The following TMEM132B variants were observed in gnomAD, a reference collection of about 807,000 sequenced individuals.
TMEM132B encodes transmembrane protein 132B.
Under a neutral mutation model 90.8 loss-of-function variants are expected in TMEM132B, and 18 were observed. That is an observed-to-expected ratio of 0.20 (90% CI 0.14 to 0.29). The LOEUF (loss-of-function observed/expected upper bound fraction) is 0.29, where lower values mean the gene tolerates loss of function less well. Among genes scored for constraint, TMEM132B ranks in the 10% least tolerant of loss-of-function variants. TMEM132B has a pLI of 1.00. For missense variants in TMEM132B, 1,096 were observed against 1,326.8 expected (o/e 0.83, Z 2.70); for synonymous variants, 504 against 523.3 (o/e 0.96, Z 0.50).
rs1428603120 is a variant in TMEM132B at position 125,458,231 on chromosome 12, G to T, written c.1106+42554G>T. The stretch of plus-strand genomic sequence containing the variant: ...AACAAGGGCCTTGGACAAGGCCCTT[G>T]TCCAAGGACAAGGGATGGAGCCTGG... On this transcript the variant is annotated intron_variant, in intron 3 of 8. Coordinates refer to ENST00000682704, the MANE Select transcript of TMEM132B (RefSeq NM_001366854.1). The surrounding 1 kb of genome is among the most constrained non-coding windows in gnomAD (Gnocchi z 4.9). Among the ~76,000 whole-genome samples, 3 of 148,094 alleles carry T rather than the reference G, an allele frequency of 2.0e-5. No homozygotes were observed. The highest frequency in any genetic ancestry group is 7.3e-5 in the African/African-American group (3 of 41,064).
chr12:125,538,495 C>G lies in TMEM132B; in HGVS notation c.1293+18870C>G, dbSNP rs916502533. 2.0e-4 allele frequency among the ~76,000 whole-genome samples: 31 copies of G among 152,202 alleles called. 1 individual carries two copies. The highest frequency in any genetic ancestry group is 7.5e-4 in the African/African-American group (31 of 41,446). On this transcript the variant is annotated intron_variant, in intron 4 of 8. Transcript: ENST00000682704. Reference sequence around the variant, plus strand: ...ATCAGCTGTTAGACAGTCACTTGGCCAGGGACCACTTGCATTTTCAGCAGG... The same window carrying G: ...ATCAGCTGTTAGACAGTCACTTGGCGAGGGACCACTTGCATTTTCAGCAGG...
chr12:125,560,795 G>A (rs1484145031), intron 4 of TMEM132B, among the ~76,000 whole-genome samples: 1 of 124,290 alleles, frequency 8.0e-6, no homozygotes, highest in East Asian at 2.5e-4. Flanking sequence ...ACTGCAGTCC[G>A]CAGTCCGGCC....
At chr12:125,425,588 G>A (rs929807710) in intron 3 of TMEM132B, among the ~76,000 whole-genome samples, 6 of 152,140 alleles carry the variant, frequency 3.9e-5, no homozygotes, top group African/African-American at 1.4e-4. Flanking sequence ...ACCACCCCCT[G>A]TGCTCTACCT....
At chr12:125,210,226 G>T (rs1440188439) in intron 1 of TMEM132B, among the ~76,000 whole-genome samples, 1 of 152,206 alleles carries the variant, frequency 6.6e-6, no homozygotes, top group African/African-American at 2.4e-5. Context: ...ACCTGGGCAG[G>T]AAGGTAATGT....
At chr12:125,487,072 A>G (rs930167532) in intron 3 of TMEM132B, among the ~76,000 whole-genome samples, 1 of 152,224 alleles carries the variant, frequency 6.6e-6, no homozygotes, top group Non-Finnish European at 1.5e-5. Flanking sequence ...AGAAGGTCTC[A>G]GTCTGTTCTG....
At chr12:125,621,842 A>G (rs1176578805) in intron 5 of TMEM132B, among the ~76,000 whole-genome samples, 1 of 152,248 alleles carries the variant, frequency 6.6e-6, no homozygotes, top group East Asian at 1.9e-4. Context: ...CATGCTATAC[A>G]TATCAGGATG....
intron 1 of TMEM132B, among the ~76,000 whole-genome samples, chr12:125,247,753 C>T (rs907998417): frequency 1.3e-5 from 2 of 152,210 alleles, no homozygotes; most frequent in Admixed American, 6.5e-5. Flanking sequence ...ATGTCACCGG[C>T]CCTGGGATAG....
intron 5 of TMEM132B, among the ~76,000 whole-genome samples, chr12:125,590,501 T>C (rs867771458): frequency 1.3e-5 from 2 of 152,146 alleles, no homozygotes; most frequent in African/African-American, 4.8e-5. Flanking sequence ...TTACTGAAAA[T>C]CTTCAAAAAG....
At position 125,383,597 on chromosome 12, in the gene TMEM132B, A is replaced by G. The variant is rs545274620; in HGVS notation, c.960-31934A>G. ...ATTATTTCTTCCATGTGTATGCATC[A>G]TCATTACTACTGTTCAATCCCTATC... is the stretch of plus-strand genomic sequence containing the variant. On this transcript the variant is annotated intron_variant, in intron 2 of 8. Transcript: ENST00000682704. 3.9e-5 allele frequency among the ~76,000 whole-genome samples: 6 copies of G among 152,352 alleles called. No homozygotes were observed. The South Asian group carries it at 8.3e-4, about 21-fold the overall frequency.
intron 4 of TMEM132B, among the ~76,000 whole-genome samples, chr12:125,563,409 C>T (rs1884586160): frequency 6.6e-6 from 1 of 151,926 alleles, no homozygotes; most frequent in African/African-American, 2.4e-5. Context: ...GAGATCGAGA[C>T]TAACCTGGCC....
intron 3 of TMEM132B, among the ~76,000 whole-genome samples, chr12:125,449,403 T>C (rs1324808357): frequency 6.6e-6 from 1 of 152,232 alleles, no homozygotes; most frequent in Non-Finnish European, 1.5e-5. Flanking sequence ...TTATTGCCCT[T>C]TTAATGTTTG....
At chr12:125,480,816 T>G (rs1882017791) in intron 3 of TMEM132B, among the ~76,000 whole-genome samples, 1 of 152,232 alleles carries the variant, frequency 6.6e-6, no homozygotes, top group South Asian at 2.1e-4. Flanking sequence ...AAAAAGAGAA[T>G]TTTAGACCAA....
chr12:125,234,865 C>A (rs2136086119), intron 1 of TMEM132B, among the ~76,000 whole-genome samples: 1 of 152,210 alleles, frequency 6.6e-6, no homozygotes, highest in Admixed American at 6.5e-5. Context: ...TCTTAGGGTG[C>A]AGGCTGTTGT....
Position 125,294,359 on chromosome 12 carries a change from T to C in TMEM132B, c.68-55093T>C, listed in dbSNP as rs551836867. ...CTGGTAGAGATTTAAGAGTTACTCA[T>C]GCACTGTTGGACCTGGTAATTCCAC... is the stretch of plus-strand genomic sequence containing the variant. On this transcript the variant is annotated intron_variant, in intron 1 of 8. Transcript: ENST00000682704. Among the ~76,000 whole-genome samples, 47 of 152,358 alleles carry C rather than the reference T, an allele frequency of 3.1e-4. No individual in the cohort carries two copies. In the South Asian group the frequency reaches 8.9e-3, roughly 29 times the overall value.
At chr12:125,640,656 CCAGCAGT>C (rs138483189) in intron 5 of TMEM132B, among the ~76,000 whole-genome samples, 31,701 of 151,778 alleles carry the variant, frequency 0.21, 3,819 homozygotes, top group Admixed American at 0.36. Context: ...CAGCCCTGGG[CCAGCAGT>C]CAGCAGTCAG....
At chr12:125,501,952 T>C (rs1882707589) in intron 3 of TMEM132B, among the ~76,000 whole-genome samples, 1 of 152,240 alleles carries the variant, frequency 6.6e-6, no homozygotes, top group Non-Finnish European at 1.5e-5. Flanking sequence ...AATAGGGTAC[T>C]GTCGTAGTTC....
At chr12:125,518,721 C>T (rs1414863626) in intron 3 of TMEM132B, among the ~76,000 whole-genome samples, 2 of 152,224 alleles carry the variant, frequency 1.3e-5, no homozygotes, top group Non-Finnish European at 2.9e-5. Flanking sequence ...GAAGAATTCA[C>T]CAACTTCATA....
chr12:125,191,877 A>G (rs546467812), intron 1 of TMEM132B, among the ~76,000 whole-genome samples: 4 of 152,286 alleles, frequency 2.6e-5, no homozygotes, highest in African/African-American at 9.6e-5. Context: ...ATGGGCCCCA[A>G]AATTCTCCCT....
intron 1 of TMEM132B, chr12:125,327,372 C>G (rs1876615569): frequency 6.6e-6 from 1 of 152,400 alleles, no homozygotes; most frequent in African/African-American, 2.4e-5. Flanking sequence ...AGACTAAGCT[C>G]AAAATGCCTC....
Sources: allele counts gnomAD v4.1 joint callset (sites outside exome capture counted in the v4.1 genomes callset), GRCh38; gene constraint gnomAD v4.1.1; non-coding constraint Gnocchi (gnomAD v3.1); transcripts MANE v1.5; gene names NCBI Gene and HGNC (gene_info 2026-07-23, HGNC 2026-07-21).